WEE2: variants seen among roughly 807,000 people sequenced by gnomAD.
The protein encoded by WEE2 is wee1-like protein kinase 2.
WEE2 carries 50 observed loss-of-function variants against 60.1 expected under a neutral mutation model. The observed-to-expected ratio is 0.83, with a 90% CI of 0.66 to 1.05. The LOEUF (loss-of-function observed/expected upper bound fraction) is 1.05. Ranked by LOEUF, WEE2 falls within the 50% of genes least tolerant of loss-of-function variation. The pLI is 0.00. For missense variants in WEE2, 631 were observed against 684.3 expected, an observed-to-expected ratio of 0.92 and a Z score of 0.87; for synonymous variants, 240 against 241.0, an observed-to-expected ratio of 1.00 and a Z score of 0.04.
intron 10 of WEE2, among the ~76,000 whole-genome samples, chr7:141,729,008 G>T (rs1799074726): frequency 6.6e-6 from 1 of 152,180 alleles, no homozygotes; most frequent in Admixed American, 6.5e-5. Context: ...GGGGACCGCT[G>T]GTCTAGACCA....
Position 141,730,592 on chromosome 7 carries a change from G to A in WEE2, c.*272G>A, listed in dbSNP as rs1799122224. 1 of 347,666 alleles carries A rather than the reference G, an allele frequency of 2.9e-6. No homozygotes were observed. 21.5% of individuals were successfully genotyped at this position (347,666 alleles called of 1,614,324 possible). ...CTGATATTGTATTTATTAAATAAAT[G>A]GTTTCACCATTATGTGAGGTGGGTA... On this transcript the variant is annotated 3_prime_UTR_variant, in exon 12 of 12. Transcript: ENST00000397541.
chr7:141,720,297 A>T (rs1442659049), intron 4 of WEE2, among the ~76,000 whole-genome samples: 2 of 152,034 alleles, frequency 1.3e-5, no homozygotes, highest in East Asian at 3.9e-4. Flanking sequence ...CTGGGACTAC[A>T]GGCATGTGCC....
chr7:141,731,046 T>C lies in WEE2; in HGVS notation c.*726T>C, dbSNP rs2117131482. ...AATTGAGTGGGTCAGTAGTAACAGG[T>C]CTTGGTGGCAAGTCTCAGCTTCACA... On this transcript the variant is annotated 3_prime_UTR_variant, in exon 12 of 12. Coordinates refer to ENST00000397541, the MANE Select transcript of WEE2 (RefSeq NM_001105558.1). The C allele has an allele frequency of 6.6e-6, 1 of 152,238 alleles. No homozygotes were observed. The highest frequency in any genetic ancestry group is 2.1e-4 in the South Asian group (1 of 4,810). 9.4% of individuals were successfully genotyped at this position (152,238 alleles called of 1,614,324 possible). A position where few individuals can be genotyped will look rare whatever the true frequency, so the allele number is the denominator to read the frequency against.
At chr7:141,724,308 A>C in intron 8 of WEE2, 33 bp downstream of exon 8, 4 of 1,572,944 alleles carry the variant, frequency 2.5e-6, no homozygotes, top group Non-Finnish European at 3.5e-6. Flanking sequence ...GTATTTTATA[A>C]TCTGTTGAAC....
chr7:141,717,426 T>C (rs1418003252), intron 3 of WEE2, among the ~76,000 whole-genome samples: 1 of 152,252 alleles, frequency 6.6e-6, no homozygotes, highest in African/African-American at 2.4e-5. Flanking sequence ...ATTTTATTCC[T>C]CACTTATTTT....
At chr7:141,719,294 T>C (rs747635818) in intron 4 of WEE2, 50 bp downstream of exon 4, 3 of 1,494,268 alleles carry the variant, frequency 2.0e-6, no homozygotes, top group Non-Finnish European at 2.7e-6. Context: ...TTTGGAGAGT[T>C]GTTTCTTGTC....
chr7:141,721,978 G>T (rs775955467), intron 5 of WEE2, among the ~76,000 whole-genome samples: 4 of 152,124 alleles, frequency 2.6e-5, no homozygotes, highest in Non-Finnish European at 5.9e-5. Flanking sequence ...ATTTTACACA[G>T]AATGCATTTA....
intron 10 of WEE2, 189 bp downstream of exon 10, chr7:141,727,635 T>A: frequency 1.6e-6 from 1 of 630,122 alleles, no homozygotes; most frequent in Non-Finnish European, 2.5e-6. Context: ...GGCTCTGTGA[T>A]TAGGTTGCTT....
In WEE2 at chr7:141,729,569, G is replaced by A. The variant is rs372592312; in HGVS notation, c.1574G>A (p.Gly525Glu). 3 of 1,613,992 alleles carry A rather than the reference G, an allele frequency of 1.9e-6. No individual in the cohort carries two copies. Among genetic ancestry groups the A allele is most frequent in the Non-Finnish European group, 2.5e-6 (3 of 1,180,006 alleles). The stretch of plus-strand genomic sequence containing the variant: ...GCCCAGCAGGCCCAGTCACCCCAGG[G>A]ATATACCCATCATGGTGACACTGGG... ...REAQQAQSPQ[G>E]YTHHGDTGVS... is the part of the protein sequence containing the mutation. The change falls in exon 11 of 12, where the codon GGA (glycine) becomes GAA (glutamate). Residue 525 changes from glycine to glutamate, a missense_variant. Physicochemically the swap from Gly to Glu is moderately conservative, Grantham distance 98. Coordinates refer to ENST00000397541, the MANE Select transcript of WEE2 (RefSeq NM_001105558.1).
chr7:141,717,646 G>A (rs920386022), intron 3 of WEE2, among the ~76,000 whole-genome samples: 1 of 152,180 alleles, frequency 6.6e-6, no homozygotes, highest in Non-Finnish European at 1.5e-5. Context: ...TGTGCAATGT[G>A]AATATACATA....
Position 141,723,237 on chromosome 7 carries a change from T to C in WEE2, c.984T>C (p.Asn328=), listed in dbSNP as rs1798951051. The change falls in exon 6 of 12, where the codon AAT becomes AAC. Residue 328 remains asparagine, a synonymous_variant. Transcript: ENST00000397541. The part of the protein sequence containing the change: ...DILLQISLGL[N]YIHNSSMVHL... ...TTCTACAGATTTCCCTTGGCCTTAA[T>C]TACATCCACAACTCTAGCATGGTAC... is the stretch of plus-strand genomic sequence containing the variant. 6.2e-7 allele frequency: 1 copy of C among 1,614,056 alleles called. No homozygotes were observed. Among genetic ancestry groups the C allele is most frequent in the South Asian group, 1.1e-5 (1 of 91,086 alleles).
intron 2 of WEE2, 117 bp from the exon 3 acceptor site, chr7:141,716,105 A>G (rs1798789824): frequency 1.2e-6 from 1 of 866,276 alleles, no homozygotes; most frequent in Non-Finnish European, 1.8e-6. Flanking sequence ...CTGCCTCCAC[A>G]TATAAACCGA....
At chr7:141,721,960 T>C (rs377442921) in intron 5 of WEE2, among the ~76,000 whole-genome samples, 3 of 152,254 alleles carry the variant, frequency 2.0e-5, no homozygotes, top group African/African-American at 7.2e-5. Flanking sequence ...AATAATTCTT[T>C]AAATTCAATT....
chr7:141,729,686 C>G lies in WEE2; in HGVS notation c.1678+13C>G, dbSNP rs769436211. The G allele has an allele frequency of 1.9e-6, 3 of 1,605,474 alleles. No homozygotes were observed. The highest frequency in any genetic ancestry group is 2.5e-6 in the Non-Finnish European group (3 of 1,176,958). ...TCAAGCTTTACCTGTGAGTAATCTT[C>G]CCCTTAAGAACTCATTTTGCAGCCG... is the stretch of plus-strand genomic sequence containing the variant. On this transcript the variant is annotated intron_variant, in intron 11 of 11. Transcript: ENST00000397541.
rs1799117537 is a variant in WEE2 at position 141,730,367 on chromosome 7, G to A, written c.*47G>A. ...CTTGGTTTGGCCTATGGATTACGAG[G>A]TTGCTGTTGCTGATTCCCCACCAAA... On this transcript the variant is annotated 3_prime_UTR_variant, in exon 12 of 12. Coordinates refer to ENST00000397541, the MANE Select transcript of WEE2 (RefSeq NM_001105558.1). 3 of 1,560,634 alleles carry A rather than the reference G, an allele frequency of 1.9e-6. No homozygotes were observed. Among genetic ancestry groups the A allele is most frequent in the African/African-American group, 2.7e-5 (2 of 73,536 alleles).
Position 141,719,217 on chromosome 7 carries a change from T to C in WEE2, c.731T>C (p.Met244Thr), listed in dbSNP as rs1185056726. 4.3e-6 allele frequency: 7 copies of C among 1,610,182 alleles called. No homozygotes were observed. The highest frequency in any genetic ancestry group is 1.6e-4 in the Middle Eastern group (1 of 6,066). ...DGCVYAIKRS[M>T]KTFTELSNEN... ...TGTGTTTATGCAATAAAGCGCTCTA[T>C]GAAAACTTTTACAGAATTATCAAAT... Residue 244 changes from methionine to threonine, a missense_variant, in exon 4 of 12, where the codon ATG (methionine) becomes ACG (threonine). Transcript: ENST00000397541.
rs1799136679 is a variant in WEE2 at position 141,731,264 on chromosome 7, T to G, written c.*944T>G. ...TTTTTAATTGAATAAACCCTAATAC[T>G]ATTCTTTGTTCTGCTTTGGAGTAGC... On this transcript the variant is annotated 3_prime_UTR_variant, in exon 12 of 12. Transcript: ENST00000397541. 6.6e-6 allele frequency: 1 copy of G among 152,198 alleles called. No homozygotes were observed. The allele number at this position is 152,198 out of a possible 1,614,324, so 9.4% of individuals were successfully genotyped here. A position where few individuals can be genotyped will look rare whatever the true frequency, so the allele number is the denominator to read the frequency against.
At position 141,727,358 on chromosome 7, in the gene WEE2, A is replaced by C; in HGVS notation, c.1447A>C (p.Asn483His). 6.2e-7 allele frequency: 1 copy of C among 1,614,198 alleles called. No individual in the cohort carries two copies. The highest frequency in any genetic ancestry group is 8.5e-7 in the Non-Finnish European group (1 of 1,180,034). Residue 483 changes from asparagine (N) to histidine (H), a missense_variant, in exon 10 of 12, where the codon AAT becomes CAT. By Grantham distance (68) the Asn-to-His change is moderately conservative (BLOSUM62 1). Coordinates refer to ENST00000397541, the MANE Select transcript of WEE2 (RefSeq NM_001105558.1). Reference protein sequence around the residue: ...QRPSAAALARNTVLRPSLGKT... With the variant: ...QRPSAAALARHTVLRPSLGKT... ...ACCTTCTGCAGCAGCTCTGGCCAGA[A>C]ATACAGTTCTCCGGCCTTCCCTGGG...
chr7:141,723,913 T>A (rs769075825), intron 6 of WEE2, 28 bp from the exon 7 acceptor site: 7 of 1,434,118 alleles, frequency 4.9e-6, no homozygotes, highest in Non-Finnish European at 5.8e-6. Flanking sequence ...AGTCATTACT[T>A]ACATCTATCC....
Sources: gnomAD v4.1 joint callset for allele counts (sites outside exome capture counted in the v4.1 genomes callset) on GRCh38, gnomAD v4.1.1 for gene constraint, MANE v1.5 for transcripts, NCBI Gene and HGNC (gene_info 2026-07-23, HGNC 2026-07-21) for gene names.